The following KIF20B variants were observed in gnomAD, a reference collection of about 807,000 sequenced individuals.
KIF20B encodes kinesin-like protein KIF20B.
A neutral mutation model predicts 232.5 loss-of-function variants in KIF20B; 188 were observed. The observed-to-expected ratio is 0.81, with a 90% CI of 0.72 to 0.91. The LOEUF (loss-of-function observed/expected upper bound fraction) is 0.91, where lower values mean the gene tolerates loss of function less well. Ranked by LOEUF, KIF20B falls within the 40% of genes least tolerant of loss-of-function variation. The pLI, the probability that KIF20B is intolerant of heterozygous loss-of-function variation, is 0.00. For missense variants in KIF20B, 2,154 were observed against 2,055.9 expected (o/e 1.05, Z -0.92); for synonymous variants, 712 against 683.0 (o/e 1.04, Z -0.66).
chr10:89,704,100 G>C (rs1413503069), intron 1 of KIF20B, among the ~76,000 whole-genome samples: 1 of 152,124 alleles, frequency 6.6e-6, no homozygotes, highest in African/African-American at 2.4e-5. Context: ...TGATCCAGTG[G>C]GCTTTTGAGC....
rs774150946 is a variant in KIF20B, at chr10:89,738,501, A to G, written c.3660A>G (p.Val1220=). 3 of 1,604,722 alleles carry G rather than the reference A, an allele frequency of 1.9e-6. No individual in the cohort carries two copies. Among genetic ancestry groups the G allele is most frequent in the Admixed American group, 3.4e-5 (2 of 58,744 alleles). Residue 1220 remains valine (V), a synonymous_variant, in exon 20 of 33, where the codon GTA becomes GTG. Coordinates refer to ENST00000371728, the MANE Select transcript of KIF20B (RefSeq NM_001284259.2). The part of the protein sequence containing the change: ...DSVKNTKDLN[V]KELKLKEEIT... ...TCAAAAACACCAAAGATTTAAATGT[A>G]AAGGAACTCAAGCTGAAAGAAGAAA...
At position 89,774,056 on chromosome 10, in the gene KIF20B, AT is replaced by A. The variant is rs1198984950; in HGVS notation, c.*9del. ...ACAAAAACAGCCAAATAAATCACTT[AT>A]GGAAATGTTTAATATAAATTTTATA... On this transcript the variant is annotated 3_prime_UTR_variant, in exon 33 of 33. Coordinates refer to ENST00000371728, the MANE Select transcript of KIF20B (RefSeq NM_001284259.2). 6.5e-7 allele frequency: 1 copy of A among 1,547,458 alleles called. No homozygotes were observed. The highest frequency in any genetic ancestry group is 1.2e-5 in the South Asian group (1 of 80,914).
chr10:89,759,893 G>A (rs1301893032), intron 27 of KIF20B, among the ~76,000 whole-genome samples: 1 of 151,984 alleles, frequency 6.6e-6, no homozygotes, highest in Non-Finnish European at 1.5e-5. Context: ...GTGATGAGGA[G>A]GTCTGTGTTA....
rs757350037 is a variant in KIF20B at position 89,774,023 on chromosome 10, G to A, written c.5438G>A (p.Arg1813Gln). 9.4e-6 allele frequency: 15 copies of A among 1,588,372 alleles called. No homozygotes were observed. The South Asian group carries it at 1.3e-4, about 14-fold the overall frequency. Residue 1813 changes from arginine (R) to glutamine (Q), a missense_variant, in exon 33 of 33, where the codon CGA becomes CAA. By Grantham distance (43) the Arg-to-Gln change is conservative. Transcript: ENST00000371728. ...AGTGATCACCAGATTATCAAACGAC[G>A]ACTTCGAACAAAAACAGCCAAATAA... Reference protein sequence around the residue: ...KESDHQIIKRRLRTKTAK With the variant: ...KESDHQIIKRQLRTKTAK
intron 29 of KIF20B, among the ~76,000 whole-genome samples, chr10:89,763,958 C>T (rs1842299443): frequency 6.6e-6 from 1 of 150,596 alleles, no homozygotes; most frequent in Non-Finnish European, 1.5e-5. Flanking sequence ...AGTTTAGTTA[C>T]ATATGTATAT....
At chr10:89,758,271 G>T (rs1842172344) in intron 26 of KIF20B, among the ~76,000 whole-genome samples, 1 of 151,898 alleles carries the variant, frequency 6.6e-6, no homozygotes, top group African/African-American at 2.4e-5. Flanking sequence ...ATCTCTTTCA[G>T]CAGTATTTTA....
At chr10:89,730,602 A>G (rs1446138553) in intron 18 of KIF20B, among the ~76,000 whole-genome samples, 1 of 152,160 alleles carries the variant, frequency 6.6e-6, no homozygotes, top group Non-Finnish European at 1.5e-5. Flanking sequence ...AAGAAGGTAC[A>G]TTGGCCTTCC....
At chr10:89,723,821 T>G (rs1843117900) in intron 13 of KIF20B, 143 bp from the exon 14 acceptor site, 2 of 723,740 alleles carry the variant, frequency 2.8e-6, no homozygotes, top group Non-Finnish European at 1.9e-6. Context: ...CATATAATTT[T>G]CAGTGAGAAC....
intron 18 of KIF20B, among the ~76,000 whole-genome samples, chr10:89,731,024 A>T (rs1471274374): frequency 6.6e-6 from 1 of 152,144 alleles, no homozygotes; most frequent in Non-Finnish European, 1.5e-5. Flanking sequence ...AAGTAAGGGG[A>T]TGTTAAAATT....
In KIF20B at chr10:89,711,630, A is replaced by G. The variant is rs368395052; in HGVS notation, c.675+485A>G. On this transcript the variant is annotated intron_variant, in intron 6 of 32. Transcript: ENST00000371728. ...TCTGTATATACACAAACATGGTCAT[A>G]TATATGATGTGTATATCTTCATACC... is the stretch of plus-strand genomic sequence containing the variant. Among the ~76,000 whole-genome samples, 7 of 152,004 alleles carry G rather than the reference A, an allele frequency of 4.6e-5. No individual in the cohort carries two copies. The East Asian group carries it at 7.7e-4, about 17-fold the overall frequency.
chr10:89,734,124 C>A (rs1055644071), intron 19 of KIF20B, among the ~76,000 whole-genome samples: 2 of 151,692 alleles, frequency 1.3e-5, no homozygotes, highest in African/African-American at 4.8e-5. Context: ...CAAAAGGGGT[C>A]ATAGGCCGGG....
intron 13 of KIF20B, chr10:89,723,496 A>G (rs1440662237): frequency 6.6e-6 from 1 of 152,292 alleles, no homozygotes; most frequent in African/African-American, 2.4e-5. Context: ...GTTCTTAGCA[A>G]CTTCTCTGGT....
intron 21 of KIF20B, among the ~76,000 whole-genome samples, chr10:89,740,304 T>C (rs1202560542): frequency 6.6e-6 from 1 of 151,646 alleles, no homozygotes; most frequent in Non-Finnish European, 1.5e-5. Flanking sequence ...TGGTTTATTA[T>C]AAAGGATACA....
chr10:89,720,868 G>C (rs531597455), intron 13 of KIF20B, among the ~76,000 whole-genome samples: 6 of 152,120 alleles, frequency 3.9e-5, no homozygotes, highest in Non-Finnish European at 8.8e-5. Context: ...ACCATACCCA[G>C]TTAAGTTTTT....
At chr10:89,754,024 A>G (rs999984278) in intron 25 of KIF20B, among the ~76,000 whole-genome samples, 4 of 151,780 alleles carry the variant, frequency 2.6e-5, no homozygotes, top group Admixed American at 2.6e-4. Flanking sequence ...CTGTGGTACC[A>G]GTTTGAAAAT....
chr10:89,771,362 ATAG>A (rs1045351674), intron 31 of KIF20B, among the ~76,000 whole-genome samples: 89 of 152,252 alleles, frequency 5.8e-4, no homozygotes, highest in African/African-American at 2.0e-3. Context: ...TGGCTAGCAC[ATAG>A]TAGTGATGAG....
chr10:89,734,821 G>A (rs1273572150), intron 19 of KIF20B, among the ~76,000 whole-genome samples: 1 of 152,178 alleles, frequency 6.6e-6, no homozygotes, highest in Non-Finnish European at 1.5e-5. Flanking sequence ...ATTACATGCA[G>A]CAGTGCTGTC....
At chr10:89,725,815 G>A (rs1843174662) in intron 15 of KIF20B, among the ~76,000 whole-genome samples, 1 of 152,082 alleles carries the variant, frequency 6.6e-6, no homozygotes, top group Admixed American at 6.6e-5. Flanking sequence ...CAGTTTTTTG[G>A]GGGAGTTGGT....
At chr10:89,724,131 A>G in intron 14 of KIF20B, 28 bp downstream of exon 14, 1 of 1,442,226 alleles carries the variant, frequency 6.9e-7, no homozygotes, top group South Asian at 1.7e-5. Flanking sequence ...TGTCCAGGTA[A>G]AAATTGAGAA....
Sources: allele counts gnomAD v4.1 joint callset (sites outside exome capture counted in the v4.1 genomes callset), GRCh38; gene constraint gnomAD v4.1.1; transcripts MANE v1.5; gene names NCBI Gene and HGNC (gene_info 2026-07-23, HGNC 2026-07-21).